Variants in EFCAB6 observed in about 807,000 individuals in gnomAD.
EFCAB6 encodes the protein EF-hand calcium binding domain 6.
Under a neutral mutation model 169.8 loss-of-function variants are expected in EFCAB6, and 156 were observed. The ratio of observed to expected loss-of-function variants is 0.92; its 90% CI spans 0.81 to 1.05. The LOEUF (loss-of-function observed/expected upper bound fraction) is 1.05, where lower values mean the gene tolerates loss of function less well. Ranked by LOEUF, EFCAB6 falls within the 50% of genes least tolerant of loss-of-function variation. The pLI, the probability that EFCAB6 is intolerant of heterozygous loss-of-function variation, is 0.00. For synonymous variants in EFCAB6, 698 were observed against 676.4 expected, an observed-to-expected ratio of 1.03 and a Z score of -0.50; for missense variants, 1,800 against 1,829.1, an observed-to-expected ratio of 0.98 and a Z score of 0.29.
At chr22:43,548,125 A>G (rs66626656) in intron 27 of EFCAB6, among the ~76,000 whole-genome samples, 5,907 of 152,318 alleles carry the variant, frequency 0.039, 125 homozygotes, top group African/African-American at 0.051. Flanking sequence ...AAACGATATA[A>G]AAGAGATGAG....
intron 2 of EFCAB6, among the ~76,000 whole-genome samples, chr22:43,797,829 G>T (rs559167979): frequency 6.6e-6 from 1 of 152,140 alleles, no homozygotes; most frequent in South Asian, 2.1e-4. Flanking sequence ...TCCTCCCCCG[G>T]CTCCCTCTGC....
chr22:43,599,260 T>G (rs921453325), intron 23 of EFCAB6, among the ~76,000 whole-genome samples: 1 of 151,966 alleles, frequency 6.6e-6, no homozygotes, highest in Admixed American at 6.6e-5. Flanking sequence ...ATAGACACAC[T>G]GCACTTTGGG....
chr22:43,661,739 T>C (rs567675789), intron 17 of EFCAB6, among the ~76,000 whole-genome samples: 2 of 152,170 alleles, frequency 1.3e-5, no homozygotes, highest in Non-Finnish European at 2.9e-5. Flanking sequence ...TCCTGGTAAT[T>C]CACATGAATC....
At chr22:43,540,686 G>A (rs933531358) in intron 27 of EFCAB6, 4 of 763,038 alleles carry the variant, frequency 5.2e-6, no homozygotes, top group Non-Finnish European at 7.3e-6. Context: ...GAACATTTGG[G>A]AGAAAATGCA....
chr22:43,685,951 C>T (rs2058179232), intron 11 of EFCAB6, among the ~76,000 whole-genome samples: 1 of 150,770 alleles, frequency 6.6e-6, no homozygotes, highest in African/African-American at 2.4e-5. Context: ...CAAATAAATC[C>T]CCTTTTACAA....
At chr22:43,737,318 TCA>T (rs1236587410) in intron 6 of EFCAB6, among the ~76,000 whole-genome samples, 5 of 150,922 alleles carry the variant, frequency 3.3e-5, no homozygotes, top group East Asian at 2.0e-4. Flanking sequence ...ACACCATCAC[TCA>T]CACACACACA....
chr22:43,561,782 GA>G (rs954295227), intron 26 of EFCAB6, among the ~76,000 whole-genome samples: 17 of 152,170 alleles, frequency 1.1e-4, no homozygotes, highest in South Asian at 6.2e-4. Flanking sequence ...CTGAATGGGG[GA>G]AAAAATAATG....
intron 23 of EFCAB6, 142 bp downstream of exon 23, chr22:43,599,927 A>G: frequency 1.1e-6 from 1 of 932,226 alleles, no homozygotes; most frequent in Non-Finnish European, 1.6e-6. Flanking sequence ...CAATTTCTAG[A>G]ATCGACAACT....
In EFCAB6 at chr22:43,626,427, G is replaced by C. The variant is rs2054527984; in HGVS notation, c.2465+20C>G. The C allele has an allele frequency of 6.2e-7, 1 of 1,610,484 alleles. No homozygotes were observed. Among genetic ancestry groups the C allele is most frequent in the Admixed American group, 1.7e-5 (1 of 59,824 alleles). ...CGGGCCGGCATATATTAAAGACACA[G>C]ACCCGTGCTGCCTTCTTACCTAATG... On this transcript the variant is annotated intron_variant, in intron 20 of 31. Coordinates refer to ENST00000262726, the MANE Select transcript of EFCAB6 (RefSeq NM_022785.4).
intron 23 of EFCAB6, among the ~76,000 whole-genome samples, chr22:43,598,327 A>ACAAAC (rs1477974806): frequency 2.1e-5 from 3 of 145,560 alleles, no homozygotes; most frequent in Non-Finnish European, 3.1e-5. Context: ...AAAAAAAAAA[A>ACAAAC]AAAAAAAAAA....
intron 26 of EFCAB6, among the ~76,000 whole-genome samples, chr22:43,575,905 G>A (rs2050226270): frequency 6.6e-6 from 1 of 152,116 alleles, no homozygotes; most frequent in Admixed American, 6.5e-5. Context: ...ATAGTGGCAG[G>A]TACATAGAAG....
At chr22:43,629,059 A>G (rs1209605950) in intron 19 of EFCAB6, among the ~76,000 whole-genome samples, 1 of 152,180 alleles carries the variant, frequency 6.6e-6, no homozygotes, top group Non-Finnish European at 1.5e-5. Context: ...CTCACTGTCT[A>G]TCTACTAGGG....
At chr22:43,675,447 G>C (rs1336985523) in intron 13 of EFCAB6, among the ~76,000 whole-genome samples, 1 of 102,600 alleles carries the variant, frequency 9.7e-6, no homozygotes, top group African/African-American at 3.6e-5. Context: ...TTATAATATA[G>C]TATAATATAT....
chr22:43,530,574 G>T (rs2046997089), intron 31 of EFCAB6: 1 of 985,362 alleles, frequency 1.0e-6, no homozygotes, highest in Non-Finnish European at 1.2e-6. Flanking sequence ...AGCTGGCGAT[G>T]CAGGTATGGG....
chr22:43,732,082 C>A lies in EFCAB6; in HGVS notation c.645-271G>T, dbSNP rs79212311. Among the ~76,000 whole-genome samples the A allele has an allele frequency of 3.0e-3, 464 of 152,278 alleles. 2 individuals carry two copies. The highest frequency in any genetic ancestry group is 0.011 in the African/African-American group (442 of 41,558). On this transcript the variant is annotated intron_variant, in intron 7 of 31. Coordinates refer to ENST00000262726, the MANE Select transcript of EFCAB6 (RefSeq NM_022785.4). ...CTGGACCTGTTGAAGAATACCCCAACCTAGACAGCACCTAAGGAGTTTCTC... is the reference window on the plus strand; with the variant it reads ...CTGGACCTGTTGAAGAATACCCCAAACTAGACAGCACCTAAGGAGTTTCTC...
rs117305335 is a variant in EFCAB6 at position 43,532,997 on chromosome 22, A to G, written c.4233+1691T>C. Among the ~76,000 whole-genome samples, 452 of 152,382 alleles carry G rather than the reference A, an allele frequency of 3.0e-3. 7 individuals carry two copies. In the East Asian group the frequency reaches 0.044, roughly 15 times the overall value. ...CTCAATTCAACGTTAATTCAGTACT[A>G]AAAACATTTTTTGGCTTCATGTTTT... is the stretch of plus-strand genomic sequence containing the variant. On this transcript the variant is annotated intron_variant, in intron 30 of 31. Transcript: ENST00000262726.
chr22:43,721,055 A>G (rs964664142), intron 8 of EFCAB6, among the ~76,000 whole-genome samples: 6 of 152,202 alleles, frequency 3.9e-5, no homozygotes, highest in Admixed American at 1.3e-4. Context: ...AATGTACAAA[A>G]ATCAGTGGCA....
At chr22:43,654,525 A>G (rs968137942) in intron 17 of EFCAB6, among the ~76,000 whole-genome samples, 1 of 152,260 alleles carries the variant, frequency 6.6e-6, no homozygotes, top group East Asian at 1.9e-4. Context: ...CTTCCTTCCA[A>G]AAACACATTA....
At chr22:43,752,444 C>T (rs1267772407) in intron 6 of EFCAB6, among the ~76,000 whole-genome samples, 1 of 152,166 alleles carries the variant, frequency 6.6e-6, no homozygotes, top group Non-Finnish European at 1.5e-5. Context: ...TAACAAAACC[C>T]TCTATTTTCC....
Sources: allele counts gnomAD v4.1 joint callset (sites outside exome capture counted in the v4.1 genomes callset), GRCh38; gene constraint gnomAD v4.1.1; transcripts MANE v1.5; gene names NCBI Gene and HGNC (gene_info 2026-07-23, HGNC 2026-07-21).